Variants in CAMKMT observed in about 807,000 individuals in gnomAD.
The protein encoded by CAMKMT is CaM KMT.
A neutral mutation model predicts 48.0 loss-of-function variants in CAMKMT; 53 were observed. The ratio of observed to expected loss-of-function variants is 1.10; its 90% CI spans 0.89 to 1.39. The LOEUF is 1.39. CAMKMT is among the 40% of genes most tolerant of loss of function. The pLI is 0.00. For synonymous variants in CAMKMT, 165 were observed against 152.3 expected (o/e 1.08, Z -0.61); for missense variants, 428 against 402.7 (o/e 1.06, Z -0.54).
At chr2:44,621,348 A>C (rs185381878) in intron 3 of CAMKMT, among the ~76,000 whole-genome samples, 8 of 151,504 alleles carry the variant, frequency 5.3e-5, no homozygotes, top group Non-Finnish European at 7.4e-5. Context: ...AACTCTACTC[A>C]TGTTCCTGAC....
At chr2:44,416,821 C>T (rs1390019584) in intron 3 of CAMKMT, among the ~76,000 whole-genome samples, 1 of 151,926 alleles carries the variant, frequency 6.6e-6, no homozygotes, top group Admixed American at 6.6e-5. Context: ...GTGATCCACC[C>T]GCCTCAGCCT....
At chr2:44,470,063 CT>C (rs202217726) in intron 3 of CAMKMT, among the ~76,000 whole-genome samples, 2 of 150,994 alleles carry the variant, frequency 1.3e-5, no homozygotes, top group East Asian at 1.9e-4. Flanking sequence ...TTCCCTTTAT[CT>C]TTTTTTTTCT....
intron 10 of CAMKMT, among the ~76,000 whole-genome samples, chr2:44,771,466 G>C (rs1475137771): frequency 6.6e-6 from 1 of 152,062 alleles, no homozygotes; most frequent in African/African-American, 2.4e-5. Flanking sequence ...GTATGAACAG[G>C]AATGTTGCTA....
At chr2:44,753,249 CAAAAAAAAAAA>C (rs772390371) in intron 8 of CAMKMT, among the ~76,000 whole-genome samples, 61 of 65,432 alleles carry the variant, frequency 9.3e-4, no homozygotes, top group East Asian at 1.3e-3. Context: ...CCTGTCCCTA[CAAAAAAAAAAA>C]AAAAAAAAAA....
intron 3 of CAMKMT, among the ~76,000 whole-genome samples, chr2:44,483,547 T>C (rs1213167878): frequency 6.6e-6 from 1 of 152,170 alleles, no homozygotes; most frequent in Non-Finnish European, 1.5e-5. Flanking sequence ...TCCTAAATCC[T>C]TGACTTCTAA....
chr2:44,582,077 A>G, intron 3 of CAMKMT, among the ~76,000 whole-genome samples: 1 of 152,260 alleles, frequency 6.6e-6, no homozygotes, highest in East Asian at 1.9e-4. Flanking sequence ...TATTTATGTT[A>G]CCATGTCCTA....
At chr2:44,431,337 C>T (rs1183377112) in intron 3 of CAMKMT, among the ~76,000 whole-genome samples, 2 of 152,068 alleles carry the variant, frequency 1.3e-5, no homozygotes, top group Admixed American at 6.5e-5. Flanking sequence ...ATATTATTAG[C>T]ACTTCCCAAT....
intron 3 of CAMKMT, among the ~76,000 whole-genome samples, chr2:44,635,426 T>C (rs890217217): frequency 1.3e-5 from 2 of 152,308 alleles, no homozygotes; most frequent in South Asian, 2.1e-4. Context: ...ATAATGTATA[T>C]TATTGTACTG....
intron 3 of CAMKMT, among the ~76,000 whole-genome samples, chr2:44,473,695 T>A (rs924856601): frequency 6.6e-6 from 1 of 152,134 alleles, no homozygotes; most frequent in Admixed American, 6.6e-5. Flanking sequence ...AGTTACAGTT[T>A]AATGTGGAAT....
intron 3 of CAMKMT, among the ~76,000 whole-genome samples, chr2:44,640,848 A>C (rs1673410770): frequency 6.6e-6 from 1 of 152,228 alleles, no homozygotes; most frequent in South Asian, 2.1e-4. Context: ...TTAATCCACC[A>C]GCCATGAATT....
intron 3 of CAMKMT, among the ~76,000 whole-genome samples, chr2:44,563,394 A>G (rs1240812241): frequency 1.3e-5 from 2 of 151,732 alleles, no homozygotes; most frequent in African/African-American, 4.8e-5. Context: ...TTATGTAGAT[A>G]TTACCATTTG....
intron 1 of CAMKMT, among the ~76,000 whole-genome samples, chr2:44,366,377 G>A (rs6714293): frequency 0.018 from 2,700 of 152,284 alleles, 85 homozygotes; most frequent in African/African-American, 0.061. Flanking sequence ...TCTATATCAA[G>A]TATTTAGATT....
chr2:44,662,946 A>G (rs1298734589), intron 3 of CAMKMT, among the ~76,000 whole-genome samples: 1 of 152,232 alleles, frequency 6.6e-6, no homozygotes, highest in Non-Finnish European at 1.5e-5. Context: ...CATTTGCTTT[A>G]TCATTCTCTA....
chr2:44,578,088 A>C (rs138748954), intron 3 of CAMKMT, among the ~76,000 whole-genome samples: 1 of 152,126 alleles, frequency 6.6e-6, no homozygotes, highest in African/African-American at 2.4e-5. Context: ...CCTTGTGTCA[A>C]TTTGGTTTCT....
chr2:44,714,735 G>A (rs1462110102), intron 6 of CAMKMT, among the ~76,000 whole-genome samples: 2 of 152,146 alleles, frequency 1.3e-5, no homozygotes, highest in East Asian at 3.9e-4. Context: ...CTATGGGACA[G>A]TCATTTCCCA....
intron 3 of CAMKMT, among the ~76,000 whole-genome samples, chr2:44,425,192 G>C (rs1410479939): frequency 6.6e-6 from 1 of 152,038 alleles, no homozygotes; most frequent in Non-Finnish European, 1.5e-5. Flanking sequence ...GAAAAATAAA[G>C]CTATCTAACA....
chr2:44,630,087 C>T (rs571885187), intron 3 of CAMKMT, among the ~76,000 whole-genome samples: 128 of 150,928 alleles, frequency 8.5e-4, no homozygotes, highest in African/African-American at 2.8e-3. Context: ...TCAGAAATAA[C>T]ACCACATATC....
At chr2:44,533,935 G>A (rs1204939450) in intron 3 of CAMKMT, among the ~76,000 whole-genome samples, 6 of 152,122 alleles carry the variant, frequency 3.9e-5, no homozygotes, top group Admixed American at 2.0e-4. Context: ...ATAGAGGCTG[G>A]CTGAATGAAT....
chr2:44,598,376 A>T (rs894169909), intron 3 of CAMKMT, among the ~76,000 whole-genome samples: 3 of 152,210 alleles, frequency 2.0e-5, no homozygotes, highest in Admixed American at 2.0e-4. Flanking sequence ...AAAATAGATT[A>T]TGAAGGAATA....
Sources: allele counts gnomAD v4.1 joint callset (sites outside exome capture counted in the v4.1 genomes callset), GRCh38; gene constraint gnomAD v4.1.1; transcripts MANE v1.5; gene names NCBI Gene and HGNC (gene_info 2026-07-23, HGNC 2026-07-21).